Variants in KRT75 observed in about 807,000 individuals in gnomAD.
KRT75 encodes keratin 75.
Under a neutral mutation model 48.8 loss-of-function variants are expected in KRT75, and 35 were observed. That is an observed-to-expected ratio of 0.72 (90% CI 0.55 to 0.95). The LOEUF is 0.95. Among genes scored for constraint, KRT75 ranks in the 40% least tolerant of loss-of-function variants. KRT75 has a pLI of 0.00. For synonymous variants in KRT75, 301 were observed against 282.3 expected (o/e 1.07, Z -0.66); for missense variants, 776 against 709.9 (o/e 1.09, Z -1.06).
chr12:52,428,202 A>G, intron 7 of KRT75, 54 bp downstream of exon 7: 1 of 1,606,390 alleles, frequency 6.2e-7, no homozygotes, highest in Admixed American at 1.7e-5. Flanking sequence ...AATGCCCAGG[A>G]AGCTGAGGTG....
chr12:52,429,798 G>A (rs1282513192), intron 5 of KRT75, among the ~76,000 whole-genome samples: 3 of 152,298 alleles, frequency 2.0e-5, no homozygotes, highest in East Asian at 1.9e-4. Context: ...GTTGGAACCT[G>A]CTCGTAGGTG....
Position 52,430,613 on chromosome 12 carries a change from G to A in KRT75, c.963C>T (p.Ala321=), listed in dbSNP as rs200152351. The A allele has an allele frequency of 3.1e-5, 50 of 1,614,142 alleles. No homozygotes were observed. Among genetic ancestry groups the A allele is most frequent in the Non-Finnish European group, 4.1e-5 (48 of 1,180,038 alleles). The change falls in exon 5 of 9, where the codon GCC becomes GCT. Residue 321 remains alanine, a synonymous_variant. Coordinates refer to ENST00000252245, the MANE Select transcript of KRT75 (RefSeq NM_004693.3). ...TGTCCTCGTATTGTGCTTTGACCTC[G>A]GCGATGATACTATCCAGGTCCAGGT... is the stretch of plus-strand genomic sequence containing the variant. ...NRNLDLDSII[A]EVKAQYEDIA...
chr12:52,433,840 G>A lies in KRT75; in HGVS notation c.465C>T (p.Thr155=). The A allele has an allele frequency of 6.2e-7, 1 of 1,614,162 alleles. No homozygotes were observed. The highest frequency in any genetic ancestry group is 8.5e-7 in the Non-Finnish European group (1 of 1,180,022). ...TGAAGGAGGCGAACTTATTGTTGAG[G>A]GTCTTGATCTGCTCGCGCTCCTCGG... The part of the protein sequence containing the change: ...VRAEEREQIK[T]LNNKFASFID... The change falls in exon 1 of 9, where the codon ACC becomes ACT. Residue 155 remains threonine (T), a synonymous_variant. Coordinates refer to ENST00000252245, the MANE Select transcript of KRT75 (RefSeq NM_004693.3).
intron 7 of KRT75, 82 bp from the exon 8 acceptor site, chr12:52,426,933 GTTGA>G: frequency 2.5e-6 from 3 of 1,179,398 alleles, no homozygotes; most frequent in Non-Finnish European, 3.8e-6. Flanking sequence ...TTTTGTAATT[GTTGA>G]CAAAGCATTT....
At chr12:52,424,835 G>T in intron 8 of KRT75, 80 bp from the exon 9 acceptor site, 1 of 1,151,918 alleles carries the variant, frequency 8.7e-7, no homozygotes, top group Non-Finnish European at 1.3e-6. Context: ...GTGCCCTGGA[G>T]TCCTTGGGTG....
At chr12:52,426,057 G>A (rs192367691) in intron 8 of KRT75, among the ~76,000 whole-genome samples, 2 of 152,248 alleles carry the variant, frequency 1.3e-5, no homozygotes, top group East Asian at 1.9e-4. Context: ...TAGAATCATT[G>A]GCTAATATAA....
chr12:52,433,858 C>T lies in KRT75; in HGVS notation c.447G>A (p.Glu149=). ...DPTIQRVRAE[E]REQIKTLNNK... ...TGTTGAGGGTCTTGATCTGCTCGCG[C>T]TCCTCGGCCCGCACCCGCTGGATGG... Residue 149 remains glutamate (E), a synonymous_variant, in exon 1 of 9, where the codon GAG becomes GAA. Transcript: ENST00000252245. 1 of 1,614,186 alleles carries T rather than the reference C, an allele frequency of 6.2e-7. No homozygotes were observed. Among genetic ancestry groups the T allele is most frequent in the East Asian group, 2.2e-5 (1 of 44,878 alleles).
intron 5 of KRT75, among the ~76,000 whole-genome samples, chr12:52,429,606 C>T (rs1213303159): frequency 1.3e-5 from 2 of 152,168 alleles, no homozygotes; most frequent in Admixed American, 1.3e-4. Flanking sequence ...AACAACCCAA[C>T]AACATGAGGA....
At chr12:52,430,801 G>T in intron 4 of KRT75, 96 bp from the exon 5 acceptor site, 4 of 1,341,584 alleles carry the variant, frequency 3.0e-6, no homozygotes, top group Admixed American at 1.7e-5. Context: ...TCCTTTCCTT[G>T]GTATTCCTGG....
chr12:52,432,090 T>C, intron 2 of KRT75, 24 bp from the exon 3 acceptor site: 1 of 1,613,638 alleles, frequency 6.2e-7, no homozygotes, highest in Non-Finnish European at 8.5e-7. Flanking sequence ...GCGGGGGGTG[T>C]GCTGTTGAGC....
chr12:52,434,309 G>T lies in KRT75; in HGVS notation c.-5C>A. On this transcript the variant is annotated 5_prime_UTR_variant, in exon 1 of 9. Transcript: ENST00000252245. ...GATGGAGGACTGCCGAGACATGGTG[G>T]GTGAGGAAGGCCGGCGAGAAGGCAC... 6.3e-7 allele frequency: 1 copy of T among 1,584,762 alleles called. No individual in the cohort carries two copies.
chr12:52,431,890 A>T (rs1940149330), intron 3 of KRT75, 116 bp downstream of exon 3: 1 of 998,838 alleles, frequency 1.0e-6, no homozygotes, highest in African/African-American at 1.6e-5. Flanking sequence ...AACTCTGCAG[A>T]TATTCTCAAG....
intron 1 of KRT75, 35 bp downstream of exon 1, chr12:52,433,772 C>A: frequency 2.5e-6 from 4 of 1,613,754 alleles, no homozygotes; most frequent in Non-Finnish European, 3.4e-6. Context: ...TTATTTGATC[C>A]CAAACCCAAG....
chr12:52,428,526 G>A (rs763289206), intron 6 of KRT75, 50 bp from the exon 7 acceptor site: 27 of 1,611,808 alleles, frequency 1.7e-5, no homozygotes, highest in Non-Finnish European at 2.2e-5. Flanking sequence ...CCATGGAGGT[G>A]TGGTGCTTCT....
chr12:52,426,311 T>C (rs1010608395), intron 8 of KRT75, among the ~76,000 whole-genome samples: 14 of 152,248 alleles, frequency 9.2e-5, no homozygotes, highest in Non-Finnish European at 2.1e-4. Flanking sequence ...GGCATCCTTC[T>C]GCAGTTATAC....
At position 52,424,481 on chromosome 12, in the gene KRT75, G is replaced by A. The variant is rs559800403; in HGVS notation, c.*36C>T. 2 of 1,572,236 alleles carry A rather than the reference G, an allele frequency of 1.3e-6. No homozygotes were observed. Among genetic ancestry groups the A allele is most frequent in the African/African-American group, 2.7e-5 (2 of 74,288 alleles). On this transcript the variant is annotated 3_prime_UTR_variant, in exon 9 of 9. Transcript: ENST00000252245. The stretch of plus-strand genomic sequence containing the variant: ...GGTGTCCAGGTGTGACTGCAAACAG[G>A]CCTCAAGGCAGGGTAGAGGGAGCCA...
rs1940183269 is a variant in KRT75 at position 52,433,984 on chromosome 12, G to A, written c.321C>T (p.Gly107=). 1 of 1,614,024 alleles carries A rather than the reference G, an allele frequency of 6.2e-7. No individual in the cohort carries two copies. The highest frequency in any genetic ancestry group is 1.7e-5 in the Admixed American group (1 of 60,012). The change falls in exon 1 of 9, where the codon GGC becomes GGT. Residue 107 remains glycine, a synonymous_variant. Coordinates refer to ENST00000252245, the MANE Select transcript of KRT75 (RefSeq NM_004693.3). ...ACACGGGGAAGCTGGGGCCACTGAA[G>A]CCTCCTCCAACTCCACCCCCATAGC... is the stretch of plus-strand genomic sequence containing the variant. ...GFGYGGGVGG[G]FSGPSFPVCP... is the part of the protein sequence containing the mutation.
intron 6 of KRT75, 57 bp from the exon 7 acceptor site, chr12:52,428,533 T>C: frequency 6.2e-7 from 1 of 1,613,224 alleles, no homozygotes; most frequent in Non-Finnish European, 8.5e-7. Flanking sequence ...GGTGTGGTGC[T>C]TCTTGGGGAG....
chr12:52,432,154 A>T lies in KRT75; in HGVS notation c.714-88T>A. ...GTGTAGCAAGAGTTAAGAGCCCTCA[A>T]ATCATTTCCAGCTCTTCTGCTGACC... On this transcript the variant is annotated intron_variant, in intron 2 of 8. Transcript: ENST00000252245. 3 of 1,300,894 alleles carry T rather than the reference A, an allele frequency of 2.3e-6. No individual in the cohort carries two copies. In the South Asian group the frequency reaches 3.6e-5, roughly 16 times the overall value. The allele number at this position is 1,300,894 out of a possible 1,614,324, so 80.6% of individuals were successfully genotyped here.
Sources: gnomAD v4.1 joint callset for allele counts (sites outside exome capture counted in the v4.1 genomes callset) on GRCh38, gnomAD v4.1.1 for gene constraint, MANE v1.5 for transcripts, NCBI Gene and HGNC (gene_info 2026-07-23, HGNC 2026-07-21) for gene names.